The following ZNRF3 variants were observed in gnomAD, a reference collection of about 807,000 sequenced individuals.
The protein encoded by ZNRF3 is E3 ubiquitin-protein ligase ZNRF3.
In ZNRF3, 23 loss-of-function variants were observed where a neutral mutation model predicts 72.5. The observed-to-expected ratio is 0.32, with a 90% CI of 0.23 to 0.45. The LOEUF is 0.45. Ranked by LOEUF, ZNRF3 falls within the 20% of genes least tolerant of loss-of-function variation. ZNRF3 has a pLI of 1.00. For synonymous variants in ZNRF3, 610 were observed against 545.3 expected (o/e 1.12, Z -1.65); for missense variants, 1,169 against 1,272.1 (o/e 0.92, Z 1.23).
intron 1 of ZNRF3, among the ~76,000 whole-genome samples, chr22:28,887,617 G>A (rs1430591287): frequency 6.6e-6 from 1 of 152,068 alleles, no homozygotes; most frequent in Non-Finnish European, 1.5e-5. Context: ...AATGCTATTA[G>A]TTACTTTTAT....
intron 1 of ZNRF3, among the ~76,000 whole-genome samples, chr22:28,893,123 C>T (rs1272435039): frequency 1.3e-5 from 2 of 152,058 alleles, no homozygotes; most frequent in South Asian, 2.1e-4. Context: ...GCCGAGATCA[C>T]ACCACTGCAC....
intron 1 of ZNRF3, among the ~76,000 whole-genome samples, chr22:28,885,237 G>A (rs2033758015): frequency 6.6e-6 from 1 of 152,078 alleles, no homozygotes; most frequent in African/African-American, 2.4e-5. Context: ...GCCTTCATAG[G>A]ACAGGGAGAG....
chr22:28,961,046 A>G (rs2035349734), intron 1 of ZNRF3, among the ~76,000 whole-genome samples: 1 of 152,238 alleles, frequency 6.6e-6, no homozygotes, highest in South Asian at 2.1e-4. Context: ...TGGGTGATTC[A>G]TAAAAGAAAT....
At chr22:28,889,445 T>G (rs1395746736) in intron 1 of ZNRF3, among the ~76,000 whole-genome samples, 1 of 152,166 alleles carries the variant, frequency 6.6e-6, no homozygotes, top group African/African-American at 2.4e-5. Context: ...GGGTTCAGGC[T>G]GACAAGAGTT....
At chr22:28,910,724 A>G (rs1040164874) in intron 1 of ZNRF3, among the ~76,000 whole-genome samples, 1 of 152,206 alleles carries the variant, frequency 6.6e-6, no homozygotes, top group Non-Finnish European at 1.5e-5. Context: ...TATAACATGC[A>G]TAGGCTGAGT....
At chr22:28,970,663 A>G (rs1165401830) in intron 1 of ZNRF3, among the ~76,000 whole-genome samples, 1 of 152,202 alleles carries the variant, frequency 6.6e-6, no homozygotes, top group African/African-American at 2.4e-5. Context: ...GTGGACCACT[A>G]CTCTGCAATA....
intron 3 of ZNRF3, 122 bp from the exon 4 acceptor site, chr22:29,043,177 T>A: frequency 8.8e-7 from 1 of 1,138,446 alleles, no homozygotes; most frequent in South Asian, 1.7e-5. Flanking sequence ...AAGGCTGTAA[T>A]GTTGGAAGAG....
At chr22:28,928,332 C>A (rs892844659) in intron 1 of ZNRF3, among the ~76,000 whole-genome samples, 1 of 151,974 alleles carries the variant, frequency 6.6e-6, no homozygotes, top group African/African-American at 2.4e-5. Flanking sequence ...CCTTTTTAGG[C>A]CAGACTATTT....
rs145268525 is a variant in ZNRF3, at chr22:28,954,526, C to T, written c.301-32550C>T. Among the ~76,000 whole-genome samples, 599 of 152,320 alleles carry T rather than the reference C, an allele frequency of 3.9e-3. 2 individuals carry two copies. Among genetic ancestry groups the T allele is most frequent in the African/African-American group, 0.013 (523 of 41,566 alleles). Reference sequence around the variant, plus strand: ...TGGGGAGACCCAATTCAGTCCACAGCAGTCATTTATTTAGTGTTTTTCTTT... The same window carrying T: ...TGGGGAGACCCAATTCAGTCCACAGTAGTCATTTATTTAGTGTTTTTCTTT... On this transcript the variant is annotated intron_variant, in intron 1 of 8. Coordinates refer to ENST00000544604, the MANE Select transcript of ZNRF3 (RefSeq NM_001206998.2).
At position 29,050,265 on chromosome 22, in the gene ZNRF3, C is replaced by T. The variant is rs1569297765; in HGVS notation, c.2084C>T (p.Pro695Leu). Residue 695 changes from proline to leucine, a missense_variant, in exon 8 of 9, where the codon CCT becomes CTT. By Grantham distance (98) the Pro-to-Leu change is moderately conservative. Around this residue, in one of 2 missense-constraint regions of ZNRF3, gnomAD observed 783 missense variants for 731.4 expected, o/e 1.07. Coordinates refer to ENST00000544604, the MANE Select transcript of ZNRF3 (RefSeq NM_001206998.2). Reference protein sequence around the residue: ...VGLEASPGAAPDLRRTWKGGH... With the variant: ...VGLEASPGAALDLRRTWKGGH... ...CTCGAGGCTTCTCCTGGGGCCGCCC[C>T]TGACCTCAGGAGGACCTGGAAGGGG... The T allele has an allele frequency of 6.3e-7, 1 of 1,598,560 alleles. No homozygotes were observed. The highest frequency in any genetic ancestry group is 1.1e-5 in the South Asian group (1 of 91,002).
intron 1 of ZNRF3, among the ~76,000 whole-genome samples, chr22:28,892,891 G>A (rs905692234): frequency 3.3e-5 from 5 of 152,128 alleles, no homozygotes; most frequent in Admixed American, 2.0e-4. Flanking sequence ...TAAAAGAGCC[G>A]GCGCGGTGGC....
intron 1 of ZNRF3, among the ~76,000 whole-genome samples, chr22:28,934,570 C>T (rs977479255): frequency 1.6e-4 from 25 of 152,158 alleles, no homozygotes; most frequent in African/African-American, 6.0e-4. Context: ...GTAATCCCAG[C>T]ATTTTGGGAG....
intron 1 of ZNRF3, among the ~76,000 whole-genome samples, chr22:28,976,247 C>A (rs1398960895): frequency 6.6e-6 from 1 of 152,062 alleles, no homozygotes; most frequent in Non-Finnish European, 1.5e-5. Context: ...AGAGCGGGAC[C>A]CTGTCTCAAA....
chr22:29,026,518 G>A lies in ZNRF3; in HGVS notation c.427-15977G>A, dbSNP rs560345526. 3.9e-5 allele frequency: 6 copies of A among 152,258 alleles called. No individual in the cohort carries two copies. In the South Asian group the frequency reaches 1.0e-3, roughly 26 times the overall value. The allele number at this position is 152,258 out of a possible 1,614,324, so 9.4% of individuals were successfully genotyped here. On this transcript the variant is annotated intron_variant, in intron 2 of 8. Transcript: ENST00000544604. ...AAATGGTGTCCTTGAGATTCTCATCGTTCTCTATTTTTATCCTGTTATCGC... is the reference window on the plus strand; with the variant it reads ...AAATGGTGTCCTTGAGATTCTCATCATTCTCTATTTTTATCCTGTTATCGC...
At chr22:28,909,693 G>T (rs2034278035) in intron 1 of ZNRF3, among the ~76,000 whole-genome samples, 1 of 150,668 alleles carries the variant, frequency 6.6e-6, no homozygotes, top group Non-Finnish European at 1.5e-5. Context: ...GGATCCTCCT[G>T]CCTCAGCCTC....
chr22:29,041,972 C>T (rs987014538), intron 2 of ZNRF3, among the ~76,000 whole-genome samples: 2 of 152,064 alleles, frequency 1.3e-5, no homozygotes, highest in Non-Finnish European at 2.9e-5. Flanking sequence ...ACTGACTGGG[C>T]AGGTTGTTGA....
At position 29,049,062 on chromosome 22, in the gene ZNRF3, C is replaced by A; in HGVS notation, c.1016-135C>A. Reference sequence around the variant, plus strand: ...CTGCCGCTGCAGCTCAGTTTGGGGGCAGGGTTGTGAGAATGGGTACCTTGG... The same window carrying A: ...CTGCCGCTGCAGCTCAGTTTGGGGGAAGGGTTGTGAGAATGGGTACCTTGG... On this transcript the variant is annotated intron_variant, in intron 7 of 8. Transcript: ENST00000544604. This position sits in a 1 kb window ranked among gnomAD's most constrained non-coding sequence, Gnocchi z 5.2. The A allele has an allele frequency of 1.0e-6, 1 of 997,506 alleles. No individual in the cohort carries two copies. Among genetic ancestry groups the A allele is most frequent in the Non-Finnish European group, 1.5e-6 (1 of 674,944 alleles). 61.8% of individuals were successfully genotyped at this position (997,506 alleles called of 1,614,324 possible).
intron 1 of ZNRF3, among the ~76,000 whole-genome samples, chr22:28,905,759 A>G (rs897139211): frequency 1.3e-5 from 2 of 152,210 alleles, no homozygotes; most frequent in Non-Finnish European, 2.9e-5. Context: ...TGAAGGTCTC[A>G]TAGGTGGTTG....
chr22:28,958,988 A>C (rs1018505293), intron 1 of ZNRF3, among the ~76,000 whole-genome samples: 2 of 152,174 alleles, frequency 1.3e-5, no homozygotes, highest in African/African-American at 4.8e-5. Context: ...CTGGTATGAA[A>C]TTTCTCCTGA....
Sources: gnomAD v4.1 joint callset for allele counts (sites outside exome capture counted in the v4.1 genomes callset) on GRCh38, gnomAD v4.1.1 for gene constraint, gnomAD v4.1.1 regional missense constraint, Gnocchi (gnomAD v3.1) non-coding constraint, MANE v1.5 for transcripts, NCBI Gene and HGNC (gene_info 2026-07-23, HGNC 2026-07-21) for gene names.